Variants in UBN2 observed in about 807,000 individuals in gnomAD.
UBN2 encodes ubinuclein 2.
UBN2 carries 35 observed loss-of-function variants against 120.2 expected under a neutral mutation model. That is an observed-to-expected ratio of 0.29 (90% CI 0.22 to 0.39). UBN2 has a LOEUF of 0.39. Among genes scored for constraint, UBN2 ranks in the 10% least tolerant of loss-of-function variants. The pLI is 1.00. For missense variants in UBN2, 1,693 were observed against 1,663.2 expected (o/e 1.02, Z -0.31); for synonymous variants, 661 against 648.7 (o/e 1.02, Z -0.29).
rs1174880596 is a variant in UBN2 at position 139,279,368 on chromosome 7, C to T, written c.2067+8C>T. 6.3e-7 allele frequency: 1 copy of T among 1,594,646 alleles called. No individual in the cohort carries two copies. Among genetic ancestry groups the T allele is most frequent in the Admixed American group, 1.8e-5 (1 of 56,486 alleles). ...CCTAAACCCAAAGTAAAGGTAAGTACTGAAACAAAATATTTAATTAGTTAT... is the reference window on the plus strand; with the variant it reads ...CCTAAACCCAAAGTAAAGGTAAGTATTGAAACAAAATATTTAATTAGTTAT... On this transcript the variant is annotated splice_region_variant and intron_variant, in intron 13 of 17. Coordinates refer to ENST00000473989, the MANE Select transcript of UBN2 (RefSeq NM_173569.4).
intron 17 of UBN2, 76 bp downstream of exon 17, chr7:139,294,057 A>G (rs1367878813): frequency 1.1e-5 from 16 of 1,449,990 alleles, no homozygotes; most frequent in Non-Finnish European, 1.4e-5. Context: ...TCTGAAAACA[A>G]TGTGAATGGA....
rs578135723 is a variant in UBN2 at position 139,300,111 on chromosome 7, C to G, written c.*2275C>G. 6.6e-6 allele frequency: 1 copy of G among 152,190 alleles called. No homozygotes were observed. Among genetic ancestry groups the G allele is most frequent in the East Asian group, 1.9e-4 (1 of 5,170 alleles). 9.4% of individuals were successfully genotyped at this position (152,190 alleles called of 1,614,324 possible). On this transcript the variant is annotated 3_prime_UTR_variant, in exon 18 of 18. Coordinates refer to ENST00000473989, the MANE Select transcript of UBN2 (RefSeq NM_173569.4). ...GGTGACTGTCATCATTAGAAAAGAA[C>G]AAGATAATCAGTTCTTTTCCCTGTA...
intron 8 of UBN2, among the ~76,000 whole-genome samples, chr7:139,270,289 T>TG (rs1247435476): frequency 1.3e-5 from 2 of 149,698 alleles, no homozygotes; most frequent in African/African-American, 5.0e-5. Flanking sequence ...TTTTTTTTTT[T>TG]GTGACAGAGT....
intron 3 of UBN2, among the ~76,000 whole-genome samples, chr7:139,254,738 T>C (rs1796711936): frequency 6.6e-6 from 1 of 152,240 alleles, no homozygotes; most frequent in African/African-American, 2.4e-5. Flanking sequence ...TAAATGGGCA[T>C]CACATGTACT....
At position 139,261,558 on chromosome 7, in the gene UBN2, T is replaced by A. The variant is rs779380046; in HGVS notation, c.1212T>A (p.Asp404Glu). The change falls in exon 6 of 18, where the codon GAT becomes GAA. Residue 404 changes from aspartate (D) to glutamate (E), a missense_variant. Transcript: ENST00000473989. ...CTGAAAATGCCCTAGAGATGCTAGA[T>A]GATTTTGACTTCGACAGATTACTGG... is the stretch of plus-strand genomic sequence containing the variant. ...QEAENALEML[D>E]DFDFDRLLDA... The A allele has an allele frequency of 2.5e-6, 4 of 1,614,186 alleles. No individual in the cohort carries two copies. The Admixed American group carries it at 6.7e-5, about 27-fold the overall frequency.
intron 12 of UBN2, among the ~76,000 whole-genome samples, chr7:139,278,041 C>T (rs148729640): frequency 2.0e-5 from 3 of 152,188 alleles, no homozygotes; most frequent in Non-Finnish European, 1.5e-5. Context: ...CAACTGAAAC[C>T]GTGGAAATTG....
At chr7:139,294,435 C>T (rs1051476240) in intron 17 of UBN2, among the ~76,000 whole-genome samples, 1 of 152,218 alleles carries the variant, frequency 6.6e-6, no homozygotes, top group Admixed American at 6.5e-5. Flanking sequence ...CAAGATAATA[C>T]ACAACTTGCC....
chr7:139,288,685 A>G (rs370049923), intron 15 of UBN2, among the ~76,000 whole-genome samples: 5 of 152,114 alleles, frequency 3.3e-5, no homozygotes, highest in African/African-American at 9.7e-5. Context: ...TGCACTCACC[A>G]AAGTAGAGTA....
chr7:139,286,078 C>T (rs952942800), intron 15 of UBN2, among the ~76,000 whole-genome samples: 6 of 152,184 alleles, frequency 3.9e-5, no homozygotes, highest in African/African-American at 1.4e-4. Flanking sequence ...CAGGCATGGG[C>T]CACAATGCCC....
chr7:139,292,521 G>A (rs1471422065), intron 15 of UBN2, among the ~76,000 whole-genome samples: 4 of 152,262 alleles, frequency 2.6e-5, no homozygotes, highest in Non-Finnish European at 4.4e-5. Context: ...GCTTTCAGGA[G>A]TTAGAGACTA....
intron 15 of UBN2, among the ~76,000 whole-genome samples, chr7:139,288,998 C>T (rs867649539): frequency 5.5e-4 from 68 of 123,682 alleles, no homozygotes; most frequent in Middle Eastern, 4.1e-3. Context: ...GAGACGCCAT[C>T]TCAAAAAAAA....
rs541190715 is a variant in UBN2, at chr7:139,273,308, A to G, written c.1727A>G (p.Asp576Gly). Residue 576 changes from aspartate (D) to glycine (G), a missense_variant, in exon 10 of 18, where the codon GAT becomes GGT. Coordinates refer to ENST00000473989, the MANE Select transcript of UBN2 (RefSeq NM_173569.4). ...SQAKCAKLQT[D>G]EEREKNGSEE... ...TTTTTCATTTTTAGATTGCAGACAG[A>G]TGAAGAACGAGAAAAAAATGGATCT... 2 of 1,606,580 alleles carry G rather than the reference A, an allele frequency of 1.2e-6. No homozygotes were observed. Among genetic ancestry groups the G allele is most frequent in the African/African-American group, 1.3e-5 (1 of 74,722 alleles).
intron 6 of UBN2, among the ~76,000 whole-genome samples, chr7:139,265,006 C>G (rs979132715): frequency 6.6e-6 from 1 of 152,140 alleles, no homozygotes; most frequent in Non-Finnish European, 1.5e-5. Flanking sequence ...AAATATTTAT[C>G]TTTATACCAG....
At chr7:139,317,073 C>T in the UBN2 span, among the ~76,000 whole-genome samples, 1 of 151,056 alleles carries the variant, frequency 6.6e-6, no homozygotes, top group Admixed American at 6.6e-5. Context: ...GCTAGGACTA[C>T]AGGCCAATGT....
chr7:139,278,485 T>C (rs533472482), intron 12 of UBN2, among the ~76,000 whole-genome samples: 1 of 152,204 alleles, frequency 6.6e-6, no homozygotes, highest in East Asian at 1.9e-4. Context: ...AGCCTCCTTC[T>C]CCCTTTTTTT....
chr7:139,282,608 A>G (rs1797647342), intron 14 of UBN2, among the ~76,000 whole-genome samples: 1 of 152,220 alleles, frequency 6.6e-6, no homozygotes, highest in Non-Finnish European at 1.5e-5. Context: ...AGTGAAGGTC[A>G]GCCTCCTAGC....
At chr7:139,324,555 C>CAAAAAAAAAA in the UBN2 span, among the ~76,000 whole-genome samples, 23 of 68,868 alleles carry the variant, frequency 3.3e-4, no homozygotes, top group Non-Finnish European at 3.8e-4. Context: ...GACTCCATCT[C>CAAAAAAAAAA]AAAAAAAAAA....
At chr7:139,327,992 A>C in the UBN2 span, among the ~76,000 whole-genome samples, 1 of 152,212 alleles carries the variant, frequency 6.6e-6, no homozygotes, top group Admixed American at 6.5e-5. Flanking sequence ...TAAAATAAAC[A>C]TGAATGTGAG....
At chr7:139,317,239 C>T in the UBN2 span, among the ~76,000 whole-genome samples, 3 of 152,070 alleles carry the variant, frequency 2.0e-5, no homozygotes, top group African/African-American at 4.8e-5. Flanking sequence ...CTGGAGTGCA[C>T]GGCTCACTGC....
Sources: gnomAD v4.1 joint callset for allele counts (sites outside exome capture counted in the v4.1 genomes callset) on GRCh38, gnomAD v4.1.1 for gene constraint, MANE v1.5 for transcripts, NCBI Gene and HGNC (gene_info 2026-07-23, HGNC 2026-07-21) for gene names.